The following FAM81A variants were observed in gnomAD, a reference collection of about 807,000 sequenced individuals.
FAM81A encodes the protein family with sequence similarity 81 member A.
Under a neutral mutation model 46.7 loss-of-function variants are expected in FAM81A, and 19 were observed. The observed-to-expected ratio is 0.41, with a 90% confidence interval of 0.28 to 0.60. FAM81A has a LOEUF of 0.60. Ranked by LOEUF, FAM81A falls within the 20% of genes least tolerant of loss-of-function variation. The probability of loss-of-function intolerance (pLI) is 0.34; values close to 1 mark genes in which losing one functional copy is unlikely to be tolerated. For missense variants in FAM81A, 377 were observed against 453.5 expected (o/e 0.83, Z 1.53); for synonymous variants, 183 against 152.9 (o/e 1.20, Z -1.45).
At chr15:59,424,565 G>A (rs1235296035) in intron 2 of FAM81A, among the ~76,000 whole-genome samples, 1 of 152,184 alleles carries the variant, frequency 6.6e-6, no homozygotes, top group Non-Finnish European at 1.5e-5. Context: ...TACTTGACAA[G>A]TCCAAAACTA....
chr15:59,514,928 T>C (rs1025631202), intron 7 of FAM81A, among the ~76,000 whole-genome samples: 1 of 152,186 alleles, frequency 6.6e-6, no homozygotes, highest in Non-Finnish European at 1.5e-5. Flanking sequence ...CTAAGGTTTG[T>C]AGAACTGCTC....
intron 2 of FAM81A, among the ~76,000 whole-genome samples, chr15:59,422,236 G>C (rs892904481): frequency 6.6e-6 from 1 of 151,880 alleles, no homozygotes. Flanking sequence ...AAAATAAAAA[G>C]AATTAGCCAG....
Position 59,460,035 on chromosome 15 carries a change from GA to G in FAM81A, c.127del (p.Thr43ProfsTer6). The G allele has an allele frequency of 6.2e-7, 1 of 1,613,900 alleles. No individual in the cohort carries two copies. The highest frequency in any genetic ancestry group is 8.5e-7 in the Non-Finnish European group (1 of 1,179,870). The part of the protein sequence containing the change: ...QLEDRILCHE[K>X]TTAALVEHAF... Reference sequence around the variant, plus strand: ...TGGAAGACAGGATCCTCTGCCATGAGAAAACCACCGCCGCCCTCGTAGAGCA... The same window carrying G: ...TGGAAGACAGGATCCTCTGCCATGAGAAACCACCGCCGCCCTCGTAGAGCA... On this transcript the variant is annotated frameshift_variant, in exon 3 of 9. Transcript: ENST00000288228. LOFTEE classifies it high-confidence loss of function. This position sits in a 1 kb window ranked among gnomAD's most constrained non-coding sequence, Gnocchi z 4.4.
At position 59,427,061 on chromosome 15, in the gene FAM81A, G is replaced by T. The variant is rs1032825361; in HGVS notation, c.-78+24703G>T. On this transcript the variant is annotated intron_variant, in intron 2 of 4. Transcript: ENST00000558348. ...CTGTTTCTGTTTCTTTCTCCCATTT[G>T]CCTGGGAGTGACCTCCCTATAGTGC... Among the ~76,000 whole-genome samples, 14 of 152,128 alleles carry T rather than the reference G, an allele frequency of 9.2e-5. No individual in the cohort carries two copies. The East Asian group carries it at 2.5e-3, about 27-fold the overall frequency.
At position 59,506,603 on chromosome 15, in the gene FAM81A, T is replaced by C. The variant is rs1300229682; in HGVS notation, c.414-610T>C. Among the ~76,000 whole-genome samples the C allele has an allele frequency of 2.0e-5, 3 of 152,236 alleles. No homozygotes were observed. In the East Asian group the frequency reaches 5.8e-4, roughly 29 times the overall value. On this transcript the variant is annotated intron_variant, in intron 4 of 8. Transcript: ENST00000288228. ...TTAGTTAGCTCTAAACTCTTATGGG[T>C]CCATTCTGTGACTCTCCTATTAGGA...
At chr15:59,517,105 C>T (rs2082275684) in intron 8 of FAM81A, among the ~76,000 whole-genome samples, 2 of 152,102 alleles carry the variant, frequency 1.3e-5, no homozygotes, top group Admixed American at 1.3e-4. Flanking sequence ...TTCTTCAGCA[C>T]CATCGGCCAA....
At position 59,494,391 on chromosome 15, in the gene FAM81A, C is replaced by T. The variant is rs149493877; in HGVS notation, c.413+2002C>T. On this transcript the variant is annotated intron_variant, in intron 4 of 8. Coordinates refer to ENST00000288228, the MANE Select transcript of FAM81A (RefSeq NM_152450.3). Reference sequence around the variant, plus strand: ...TGTGAGAGGCTTGGTGCCCTGCATGCGATGAAAAGGGCCTGCAACCAGTGG... The same window carrying T: ...TGTGAGAGGCTTGGTGCCCTGCATGTGATGAAAAGGGCCTGCAACCAGTGG... Among the ~76,000 whole-genome samples, 1,065 of 152,174 alleles carry T rather than the reference C, an allele frequency of 7.0e-3. 20 individuals are homozygous for T. The highest frequency in any genetic ancestry group is 0.024 in the African/African-American group (1,006 of 41,516).
chr15:59,508,681 G>C (rs1460836976), intron 5 of FAM81A, among the ~76,000 whole-genome samples, 182 bp from the exon 6 acceptor site: 1 of 152,142 alleles, frequency 6.6e-6, no homozygotes, highest in Non-Finnish European at 1.5e-5. Flanking sequence ...TACTGGTCTT[G>C]ATTTTCGATG....
At chr15:59,505,275 G>A (rs914485398) in intron 4 of FAM81A, among the ~76,000 whole-genome samples, 1 of 152,152 alleles carries the variant, frequency 6.6e-6, no homozygotes, top group South Asian at 2.1e-4. Flanking sequence ...ACTTTGGGAG[G>A]CTGAGGCGGG....
intron 2 of FAM81A, among the ~76,000 whole-genome samples, chr15:59,423,176 C>A (rs1011097929): frequency 3.3e-5 from 5 of 152,184 alleles, no homozygotes; most frequent in Admixed American, 6.5e-5. Context: ...CGGCTCACTG[C>A]AAGCTCCGCC....
intron 3 of FAM81A, among the ~76,000 whole-genome samples, chr15:59,492,064 G>T (rs2081986949): frequency 6.6e-6 from 1 of 152,184 alleles, no homozygotes; most frequent in South Asian, 2.1e-4. Context: ...GGTAAATAAA[G>T]GGACTTGCTC....
chr15:59,403,910 GTCT>G (rs1421726238), intron 2 of FAM81A, among the ~76,000 whole-genome samples: 96 of 143,030 alleles, frequency 6.7e-4, no homozygotes, highest in African/African-American at 2.5e-3. Flanking sequence ...TTGAGACAGA[GTCT>G]CACTCTGTCA....
At chr15:59,506,455 G>C in intron 4 of FAM81A, among the ~76,000 whole-genome samples, 1 of 152,144 alleles carries the variant, frequency 6.6e-6, no homozygotes, top group East Asian at 1.9e-4. Context: ...CCACCTTCTA[G>C]TGTGGTATTC....
chr15:59,484,575 T>C (rs542873414), intron 3 of FAM81A, among the ~76,000 whole-genome samples: 22 of 152,280 alleles, frequency 1.4e-4, no homozygotes, highest in East Asian at 1.4e-3. Flanking sequence ...GTGCAGTGTT[T>C]ATGGGACATT....
At chr15:59,400,159 A>G (rs1447898713) in intron 1 of FAM81A, among the ~76,000 whole-genome samples, 3 of 152,158 alleles carry the variant, frequency 2.0e-5, no homozygotes, top group Non-Finnish European at 2.9e-5. Flanking sequence ...CAGGTTGTCC[A>G]AGACTGACTC....
intron 6 of FAM81A, among the ~76,000 whole-genome samples, chr15:59,514,012 T>C (rs2082240680): frequency 7.0e-6 from 1 of 141,958 alleles, no homozygotes; most frequent in Admixed American, 7.5e-5. Flanking sequence ...TACTTATAAG[T>C]GGGAGCTGAA....
At chr15:59,514,455 A>G (rs757631384) in intron 7 of FAM81A, 31 bp downstream of exon 7, 11 of 1,605,952 alleles carry the variant, frequency 6.8e-6, no homozygotes, top group Non-Finnish European at 9.3e-6. Context: ...AAAATTTAGT[A>G]AAGTTATTCA....
At chr15:59,462,363 A>G (rs1413147742) in intron 3 of FAM81A, among the ~76,000 whole-genome samples, 2 of 152,206 alleles carry the variant, frequency 1.3e-5, no homozygotes, top group African/African-American at 4.8e-5. Context: ...GTGTAGTGGT[A>G]TCTCATTGTG....
At chr15:59,422,393 T>G (rs1199585103) in intron 2 of FAM81A, among the ~76,000 whole-genome samples, 1 of 152,100 alleles carries the variant, frequency 6.6e-6, no homozygotes, top group Non-Finnish European at 1.5e-5. Flanking sequence ...GTCTCTAAAA[T>G]AAATTAAAAA....
Sources: allele counts gnomAD v4.1 joint callset (sites outside exome capture counted in the v4.1 genomes callset), GRCh38; gene constraint gnomAD v4.1.1; non-coding constraint Gnocchi (gnomAD v3.1); transcripts MANE v1.5; gene names NCBI Gene and HGNC (gene_info 2026-07-23, HGNC 2026-07-21).